Variants in SEC14L1 observed in about 807,000 individuals in gnomAD.
SEC14L1 encodes SEC14-like protein 1.
SEC14L1 carries 48 observed loss-of-function variants against 85.3 expected under a neutral mutation model. That is an observed-to-expected ratio of 0.56 (90% CI 0.45 to 0.72). The LOEUF (loss-of-function observed/expected upper bound fraction) is 0.72, where lower values mean the gene tolerates loss of function less well. Ranked by LOEUF, SEC14L1 falls within the 30% of genes least tolerant of loss-of-function variation. SEC14L1 has a pLI of 0.00. For missense variants in SEC14L1, 682 were observed against 921.4 expected (o/e 0.74, Z 3.36); for synonymous variants, 391 against 355.5 (o/e 1.10, Z -1.12).
At chr17:77,201,202 C>T (rs1266083865) in intron 9 of SEC14L1, among the ~76,000 whole-genome samples, 1 of 152,138 alleles carries the variant, frequency 6.6e-6, no homozygotes, top group East Asian at 1.9e-4. Context: ...ACACAGTTCC[C>T]CCAAATGCCT....
At chr17:77,178,956 A>G (rs1181033212) in intron 3 of SEC14L1, among the ~76,000 whole-genome samples, 4 of 152,208 alleles carry the variant, frequency 2.6e-5, no homozygotes, top group Non-Finnish European at 5.9e-5. Context: ...TCACAGGCTT[A>G]ACACCCCAGG....
At chr17:77,096,362 G>T (rs10438706) in intron 3 of SEC14L1, among the ~76,000 whole-genome samples, 4,910 of 143,356 alleles carry the variant, frequency 0.034, 3 homozygotes, top group East Asian at 0.15. Context: ...TTCGAGACCA[G>T]CCTGGCCAAC....
intron 3 of SEC14L1, chr17:77,098,942 A>G (rs911038670): frequency 1.3e-5 from 2 of 152,210 alleles, no homozygotes; most frequent in African/African-American, 2.4e-5. Context: ...TTCTCATAGA[A>G]GCCTGTTTGG....
At chr17:77,188,482 A>G (rs1263652619) in intron 3 of SEC14L1, among the ~76,000 whole-genome samples, 1 of 148,174 alleles carries the variant, frequency 6.7e-6, no homozygotes, top group Non-Finnish European at 1.5e-5. Context: ...TCAATAGTTC[A>G]TTCTTTTTTT....
chr17:77,094,817 A>G (rs1415503723), intron 3 of SEC14L1: 3 of 152,162 alleles, frequency 2.0e-5, no homozygotes, highest in Non-Finnish European at 4.4e-5. Flanking sequence ...CACTCACAAG[A>G]GTGTATACCC....
chr17:77,178,032 G>C (rs1045821572), intron 3 of SEC14L1, among the ~76,000 whole-genome samples: 3 of 150,472 alleles, frequency 2.0e-5, no homozygotes, highest in Admixed American at 1.3e-4. Flanking sequence ...CTTTGTACTC[G>C]TGGCTTTTTC....
At chr17:77,161,922 T>TTTC (rs1316590384) in intron 3 of SEC14L1, among the ~76,000 whole-genome samples, 1 of 148,348 alleles carries the variant, frequency 6.7e-6, no homozygotes, top group Non-Finnish European at 1.5e-5. Flanking sequence ...TCTTTTCTTC[T>TTTC]TTCTTCTTCT....
intron 3 of SEC14L1, among the ~76,000 whole-genome samples, chr17:77,108,918 T>A (rs1598228789): frequency 6.6e-6 from 1 of 151,362 alleles, no homozygotes; most frequent in Non-Finnish European, 1.5e-5. Context: ...TGCCTCCCGG[T>A]TTCAAGCGAG....
At chr17:77,200,434 TCCC>T in intron 8 of SEC14L1, 47 bp from the exon 9 acceptor site, 1 of 1,520,956 alleles carries the variant, frequency 6.6e-7, no homozygotes, top group African/African-American at 1.4e-5. Flanking sequence ...CTCCCAAAGT[TCCC>T]TTCACAACTT....
At chr17:77,166,517 G>T (rs1158447287) in intron 3 of SEC14L1, among the ~76,000 whole-genome samples, 2 of 152,086 alleles carry the variant, frequency 1.3e-5, no homozygotes, top group Non-Finnish European at 2.9e-5. Flanking sequence ...ATTTTAAAAT[G>T]GGAGAAACAC....
intron 3 of SEC14L1, chr17:77,128,172 G>A (rs967840416): frequency 7.9e-5 from 12 of 152,140 alleles, no homozygotes; most frequent in African/African-American, 2.7e-4. Flanking sequence ...TTGTATACCC[G>A]GGGGTATGGA....
rs1035945363 is a variant in SEC14L1, at chr17:77,215,344, T to C, written c.*1321T>C. The C allele has an allele frequency of 1.0e-5, 10 of 985,300 alleles. No homozygotes were observed. In the African/African-American group the frequency reaches 1.7e-4, roughly 17 times the overall value. The allele number at this position is 985,300 out of a possible 1,614,324, so 61.0% of individuals were successfully genotyped here. A position where few individuals can be genotyped will look rare whatever the true frequency, so the allele number is the denominator to read the frequency against. On this transcript the variant is annotated 3_prime_UTR_variant, in exon 17 of 17. Transcript: ENST00000436233. The stretch of plus-strand genomic sequence containing the variant: ...GGGGATGGCCTCCACGATAAGGACA[T>C]GCAACACGTGTTTCTGTGTGCAGCA...
Position 77,196,209 on chromosome 17 carries a change from A to G in SEC14L1, c.717A>G (p.Leu239=), listed in dbSNP as rs748269098. Residue 239 remains leucine (L), a synonymous_variant, in exon 8 of 17, where the codon CTA becomes CTG. Coordinates refer to ENST00000436233, the MANE Select transcript of SEC14L1 (RefSeq NM_001143998.2). ...ATGTCACTTACATTCCAGACAAACT[A>G]GATGCCGACTACATCAAGAGATACC... ...EPVVGTPDDK[L]DADYIKRYLG... is the part of the protein sequence containing the mutation. The G allele has an allele frequency of 3.1e-6, 5 of 1,612,768 alleles. No homozygotes were observed. The African/African-American group carries it at 4.0e-5, about 13-fold the overall frequency.
At chr17:77,190,641 G>A (rs1426655855) in intron 3 of SEC14L1, among the ~76,000 whole-genome samples, 162 bp from the exon 4 acceptor site, 1 of 152,236 alleles carries the variant, frequency 6.6e-6, no homozygotes, top group African/African-American at 2.4e-5. Flanking sequence ...TGGACATGGA[G>A]TGTCTTTTTC....
intron 3 of SEC14L1, among the ~76,000 whole-genome samples, chr17:77,187,280 C>T (rs921183064): frequency 6.6e-5 from 10 of 152,100 alleles, no homozygotes; most frequent in African/African-American, 2.4e-4. Context: ...TCCTGCAGTA[C>T]CTTCCTTTAT....
intron 3 of SEC14L1, among the ~76,000 whole-genome samples, chr17:77,167,813 A>G (rs1423321109): frequency 1.3e-5 from 2 of 152,216 alleles, no homozygotes; most frequent in Non-Finnish European, 2.9e-5. Flanking sequence ...ACCCAAAGGC[A>G]AGAGAGTTCT....
intron 3 of SEC14L1, among the ~76,000 whole-genome samples, chr17:77,178,099 A>G (rs1197998233): frequency 1.7e-5 from 2 of 119,216 alleles, no homozygotes; most frequent in African/African-American, 6.5e-5. Context: ...ATGCACTAGC[A>G]CTTGTTTCTA....
intron 3 of SEC14L1, among the ~76,000 whole-genome samples, chr17:77,160,356 A>G (rs1191715369): frequency 1.3e-5 from 2 of 152,234 alleles, no homozygotes; most frequent in Non-Finnish European, 2.9e-5. Flanking sequence ...GAATATGCAC[A>G]CTGCTATTTT....
At chr17:77,162,074 C>T (rs534976180) in intron 3 of SEC14L1, among the ~76,000 whole-genome samples, 1 of 152,228 alleles carries the variant, frequency 6.6e-6, no homozygotes, top group South Asian at 2.1e-4. Context: ...AGGTTCCCCA[C>T]GAACATGGGT....
Sources: gnomAD v4.1 joint callset for allele counts (sites outside exome capture counted in the v4.1 genomes callset) on GRCh38, gnomAD v4.1.1 for gene constraint, MANE v1.5 for transcripts, NCBI Gene and HGNC (gene_info 2026-07-23, HGNC 2026-07-21) for gene names.